SEMA3D: variants seen among roughly 807,000 people sequenced by gnomAD.
The protein encoded by SEMA3D is semaphorin 3D, also known as semaphorin-3D.
SEMA3D carries 84 observed loss-of-function variants against 100.1 expected under a neutral mutation model. That is an observed-to-expected ratio of 0.84 (90% confidence interval 0.70 to 1.01). SEMA3D has a LOEUF of 1.01. Ranked by LOEUF, SEMA3D falls within the 50% of genes least tolerant of loss-of-function variation. SEMA3D has a pLI of 0.00. For missense variants in SEMA3D, 875 were observed against 934.1 expected (o/e 0.94, Z 0.82); for synonymous variants, 312 against 320.7 (o/e 0.97, Z 0.29).
intron 3 of SEMA3D, among the ~76,000 whole-genome samples, chr7:85,106,189 C>T (rs1043792744): frequency 5.9e-5 from 9 of 151,984 alleles, no homozygotes; most frequent in Non-Finnish European, 8.8e-5. Context: ...GAGTATCATT[C>T]TGAGCACGAT....
intron 2 of SEMA3D, among the ~76,000 whole-genome samples, chr7:85,123,232 C>T (rs1422301447): frequency 1.3e-5 from 2 of 152,052 alleles, no homozygotes; most frequent in African/African-American, 4.8e-5. Flanking sequence ...TAGTGATCTT[C>T]AGCTCCTGCC....
At position 85,066,892 on chromosome 7, in the gene SEMA3D, T is replaced by TCACACACACACA. The variant is rs542898682; in HGVS notation, c.589+1287_589+1298dup. The stretch of plus-strand genomic sequence containing the variant: ...GCTAACTTCTAAAGGAAATGTGCGC[T>TCACACACACACA]CACACACACACACACACACACAGAG... On this transcript the variant is annotated intron_variant, in intron 7 of 18. Transcript: ENST00000284136. Among the ~76,000 whole-genome samples, 774 of 106,828 alleles carry TCACACACACACA rather than the reference T, an allele frequency of 7.2e-3. 10 individuals carry two copies. Among genetic ancestry groups the TCACACACACACA allele is most frequent in the African/African-American group, 0.029 (727 of 25,396 alleles). The allele number at this position is 106,828 out of a possible 152,430, so 70.1% of individuals were successfully genotyped here.
At chr7:85,202,646 A>T in the SEMA3D span, among the ~76,000 whole-genome samples, 1 of 152,124 alleles carries the variant, frequency 6.6e-6, no homozygotes, top group Non-Finnish European at 1.5e-5. Flanking sequence ...AGTTTACAAG[A>T]AAAAAGCAAA....
chr7:85,152,602 G>A (rs1790462346), intron 2 of SEMA3D, among the ~76,000 whole-genome samples: 1 of 152,002 alleles, frequency 6.6e-6, no homozygotes, highest in South Asian at 2.1e-4. Context: ...TTGATTTTTT[G>A]CATAGTAATA....
At chr7:85,140,317 A>T (rs1253401068) in intron 2 of SEMA3D, 1 of 982,682 alleles carries the variant, frequency 1.0e-6, no homozygotes, top group African/African-American at 1.7e-5. Flanking sequence ...CAGAGTGAAA[A>T]TGCACGGCAT....
At chr7:85,111,160 C>T (rs948912565) in intron 3 of SEMA3D, among the ~76,000 whole-genome samples, 1 of 151,916 alleles carries the variant, frequency 6.6e-6, no homozygotes, top group Non-Finnish European at 1.5e-5. Context: ...GATAGTATAC[C>T]AGAAGCCAAT....
intron 3 of SEMA3D, among the ~76,000 whole-genome samples, chr7:85,101,885 C>A (rs1307400525): frequency 6.6e-6 from 1 of 151,922 alleles, no homozygotes. Context: ...TGTATCTTAT[C>A]TTCCATTAAA....
At chr7:85,229,815 T>C in the SEMA3D span, among the ~76,000 whole-genome samples, 1 of 152,164 alleles carries the variant, frequency 6.6e-6, no homozygotes, top group Non-Finnish European at 1.5e-5. Context: ...CATTCTTCAT[T>C]CTGTCTCAAC....
intron 17 of SEMA3D, among the ~76,000 whole-genome samples, chr7:85,012,511 A>C (rs1789983582): frequency 6.6e-6 from 1 of 151,794 alleles, no homozygotes. Context: ...CTTTATAAGG[A>C]TGGATAAGGT....
the SEMA3D span, among the ~76,000 whole-genome samples, chr7:85,238,042 G>T: frequency 2.0e-5 from 3 of 152,146 alleles, no homozygotes; most frequent in African/African-American, 7.2e-5. Flanking sequence ...CTTTTCAAAT[G>T]CTTGCCATCT....
At chr7:85,121,258 T>C (rs1583943657) in intron 3 of SEMA3D, among the ~76,000 whole-genome samples, 2 of 152,332 alleles carry the variant, frequency 1.3e-5, no homozygotes, top group Middle Eastern at 6.8e-3. Flanking sequence ...ATTTCATTTC[T>C]TAGAAAATTG....
intron 4 of SEMA3D, among the ~76,000 whole-genome samples, chr7:85,093,494 A>G (rs1788461376): frequency 6.6e-6 from 1 of 152,030 alleles, no homozygotes; most frequent in Admixed American, 6.6e-5. Flanking sequence ...GCCGACAGAG[A>G]AAGAACCGGG....
chr7:85,138,522 CA>C (rs1789930154), intron 2 of SEMA3D, among the ~76,000 whole-genome samples: 1 of 150,856 alleles, frequency 6.6e-6, no homozygotes, highest in Admixed American at 6.6e-5. Context: ...AAAACATTTA[CA>C]TAACTCAAAT....
In SEMA3D at chr7:85,110,251, T is replaced by C. The variant is rs1197237446; in HGVS notation, c.151+11490A>G. 2.0e-5 allele frequency among the ~76,000 whole-genome samples: 3 copies of C among 152,100 alleles called. No individual in the cohort carries two copies. In the East Asian group the frequency reaches 5.8e-4, roughly 29 times the overall value. On this transcript the variant is annotated intron_variant, in intron 3 of 18. Coordinates refer to ENST00000284136, the MANE Select transcript of SEMA3D (RefSeq NM_001384900.1). ...CAATAATGTTTAGAGCAATGTTCCA[T>C]ATACAATGTTAAATGGATTGCAATT...
chr7:85,155,553 A>C (rs892440130), intron 1 of SEMA3D, among the ~76,000 whole-genome samples: 2 of 152,212 alleles, frequency 1.3e-5, no homozygotes, highest in African/African-American at 4.8e-5. Flanking sequence ...AATCTTAAAT[A>C]GTAGACAAAT....
the SEMA3D span, among the ~76,000 whole-genome samples, chr7:85,198,888 C>G: frequency 1.4e-5 from 2 of 145,006 alleles, no homozygotes; most frequent in Non-Finnish European, 3.0e-5. Context: ...GGAAAATTTA[C>G]TTCAATCCTA....
At position 84,999,540 on chromosome 7, in the gene SEMA3D, T is replaced by C; in HGVS notation, c.2234A>G (p.Lys745Arg). Residue 745 changes from lysine (K) to arginine (R), a missense_variant, in exon 19 of 19, where the codon AAG becomes AGG. Lys to Arg is a conservative substitution (Grantham distance 26). Transcript: ENST00000284136. ...CATGTGCTTCCACTTTGGGCCCCCC[T>C]TGTTTCTCTGTCTCCGCTTCTCCCT... ...WHREKRRQRN[K>R]GGPKWKHMQE... 1 of 1,614,146 alleles carries C rather than the reference T, an allele frequency of 6.2e-7. No homozygotes were observed. Among genetic ancestry groups the C allele is most frequent in the Non-Finnish European group, 8.5e-7 (1 of 1,180,022 alleles).
At chr7:85,181,838 A>T in intron 1 of SEMA3D, 1 of 667,374 alleles carries the variant, frequency 1.5e-6, no homozygotes, top group Non-Finnish European at 1.9e-6. Context: ...ATGAAACATG[A>T]ACATGGAACT....
At chr7:85,077,812 T>C (rs1787923782) in intron 5 of SEMA3D, among the ~76,000 whole-genome samples, 2 of 152,264 alleles carry the variant, frequency 1.3e-5, no homozygotes, top group East Asian at 3.9e-4. Flanking sequence ...GCAATATGTT[T>C]ATAAAAATTT....
Sources: allele counts gnomAD v4.1 joint callset (sites outside exome capture counted in the v4.1 genomes callset), GRCh38; gene constraint gnomAD v4.1.1; transcripts MANE v1.5; gene names NCBI Gene and HGNC (gene_info 2026-07-23, HGNC 2026-07-21).